The following ZNF618 variants were observed in gnomAD, a reference collection of about 807,000 sequenced individuals.
The protein encoded by ZNF618 is neural precursor cell expressed, developmentally down-regulated 10.
ZNF618 carries 34 observed loss-of-function variants against 103.0 expected under a neutral mutation model. The ratio of observed to expected loss-of-function variants is 0.33; its 90% CI spans 0.25 to 0.44. The LOEUF is 0.44. Ranked by LOEUF, ZNF618 falls within the 20% of genes least tolerant of loss-of-function variation. The pLI is 1.00. For missense variants in ZNF618, 1,059 were observed against 1,295.4 expected (o/e 0.82, Z 2.80); for synonymous variants, 551 against 542.2 (o/e 1.02, Z -0.23).
rs538926659 is a variant in ZNF618, at chr9:114,021,995, G to A, written c.844+5211G>A. 1.8e-4 allele frequency among the ~76,000 whole-genome samples: 28 copies of A among 152,220 alleles called. No individual in the cohort carries two copies. The South Asian group carries it at 5.6e-3, about 30-fold the overall frequency. On this transcript the variant is annotated intron_variant, in intron 10 of 14. Coordinates refer to ENST00000374126, the MANE Select transcript of ZNF618 (RefSeq NM_001318042.2). Reference sequence around the variant, plus strand: ...CCACAATTACTTTGTTCATTTATGGGTGGATATTTAGAGTATTTCTGGCTA... The same window carrying A: ...CCACAATTACTTTGTTCATTTATGGATGGATATTTAGAGTATTTCTGGCTA...
intron 1 of ZNF618, among the ~76,000 whole-genome samples, chr9:113,894,409 G>C (rs1829865463): frequency 6.6e-6 from 1 of 152,208 alleles, no homozygotes; most frequent in Non-Finnish European, 1.5e-5. Flanking sequence ...ATGTGCTGTA[G>C]AAAGTTCAGC....
At chr9:114,016,585 A>T in intron 9 of ZNF618, 110 bp from the exon 10 acceptor site, 1 of 749,940 alleles carries the variant, frequency 1.3e-6, no homozygotes, top group Non-Finnish European at 2.3e-6. Flanking sequence ...AATTGATTCT[A>T]GTTGATGGTC....
chr9:113,972,762 T>C (rs186626367), intron 2 of ZNF618, among the ~76,000 whole-genome samples: 5 of 152,254 alleles, frequency 3.3e-5, no homozygotes, highest in Admixed American at 2.6e-4. Flanking sequence ...AATTATATGT[T>C]AAACGTCAAG....
At chr9:113,940,059 A>G (rs1286394161) in intron 1 of ZNF618, among the ~76,000 whole-genome samples, 1 of 150,912 alleles carries the variant, frequency 6.6e-6, no homozygotes, top group East Asian at 1.9e-4. Flanking sequence ...GAAATATCCC[A>G]TGGGTTTTGC....
At chr9:113,949,409 C>T (rs1421156600) in intron 1 of ZNF618, among the ~76,000 whole-genome samples, 2 of 152,136 alleles carry the variant, frequency 1.3e-5, no homozygotes, top group African/African-American at 2.4e-5. Context: ...TCTGTGTGGT[C>T]CGAGACAGGA....
At chr9:113,962,166 CAT>C (rs780843656) in intron 1 of ZNF618, among the ~76,000 whole-genome samples, 2 of 152,204 alleles carry the variant, frequency 1.3e-5, no homozygotes, top group Non-Finnish European at 2.9e-5. Context: ...TTAGTATTCT[CAT>C]GTGTGGGAGA....
chr9:113,905,734 T>G (rs992603353), intron 1 of ZNF618, among the ~76,000 whole-genome samples: 1 of 152,180 alleles, frequency 6.6e-6, no homozygotes, highest in Admixed American at 6.5e-5. Flanking sequence ...GGTGAAGCCG[T>G]TGAAGAATTG....
At chr9:114,010,773 A>G (rs1220669385) in intron 9 of ZNF618, among the ~76,000 whole-genome samples, 4 of 152,212 alleles carry the variant, frequency 2.6e-5, no homozygotes, top group Non-Finnish European at 4.4e-5. Context: ...TAGGACAGGA[A>G]CAGAGGATCT....
At chr9:113,901,516 G>C (rs949453805) in intron 1 of ZNF618, among the ~76,000 whole-genome samples, 1 of 152,214 alleles carries the variant, frequency 6.6e-6, no homozygotes, top group Non-Finnish European at 1.5e-5. Context: ...ACTTGAACGA[G>C]ACATTAGCTG....
chr9:113,900,755 A>T (rs368838938), intron 1 of ZNF618, among the ~76,000 whole-genome samples: 141 of 74,382 alleles, frequency 1.9e-3, no homozygotes, highest in African/African-American at 3.8e-3. Flanking sequence ...CCTCTCGCGC[A>T]AACCCGACCT....
intron 10 of ZNF618, among the ~76,000 whole-genome samples, chr9:114,023,393 A>T (rs539110001): frequency 1.6e-4 from 25 of 152,132 alleles, no homozygotes; most frequent in Non-Finnish European, 3.2e-4. Flanking sequence ...TTACAATGGC[A>T]TACTTCCCAT....
At chr9:113,974,033 G>A (rs1488658490) in intron 2 of ZNF618, among the ~76,000 whole-genome samples, 2 of 152,212 alleles carry the variant, frequency 1.3e-5, no homozygotes, top group Admixed American at 1.3e-4. Flanking sequence ...GCACTGACCT[G>A]GGTGCTGGAG....
intron 1 of ZNF618, among the ~76,000 whole-genome samples, chr9:113,900,584 A>T (rs1385596040): frequency 6.9e-6 from 1 of 145,256 alleles, no homozygotes; most frequent in Non-Finnish European, 1.5e-5. Flanking sequence ...GTCTCCTAGC[A>T]CCGTCCTCTC....
chr9:113,916,603 G>A lies in ZNF618; in HGVS notation c.33+40190G>A, dbSNP rs1021620679. On this transcript the variant is annotated intron_variant, in intron 1 of 14. Coordinates refer to ENST00000374126, the MANE Select transcript of ZNF618 (RefSeq NM_001318042.2). Reference sequence around the variant, plus strand: ...TCAATGAGTATCATGGCACTTAACCGTGGAGAGTTAAGAATCATGCAGGTG... The same window carrying A: ...TCAATGAGTATCATGGCACTTAACCATGGAGAGTTAAGAATCATGCAGGTG... Among the ~76,000 whole-genome samples the A allele has an allele frequency of 4.6e-5, 7 of 152,184 alleles. No individual in the cohort carries two copies. The East Asian group carries it at 7.7e-4, about 17-fold the overall frequency.
In ZNF618 at chr9:113,909,999, G is replaced by A. The variant is rs145981211; in HGVS notation, c.33+33586G>A. ...GGGATTTCACCATGTTGGTCAGGCTGGTCTCGAACTCCTGACCTCAGGATC... is the reference window on the plus strand; with the variant it reads ...GGGATTTCACCATGTTGGTCAGGCTAGTCTCGAACTCCTGACCTCAGGATC... On this transcript the variant is annotated intron_variant, in intron 1 of 14. Coordinates refer to ENST00000374126, the MANE Select transcript of ZNF618 (RefSeq NM_001318042.2). 3.4e-3 allele frequency among the ~76,000 whole-genome samples: 516 copies of A among 152,228 alleles called. 3 individuals carry two copies. The highest frequency in any genetic ancestry group is 0.012 in the African/African-American group (492 of 41,532).
chr9:114,041,546 T>G (rs1336258915), intron 13 of ZNF618, among the ~76,000 whole-genome samples: 1 of 152,250 alleles, frequency 6.6e-6, no homozygotes, highest in Non-Finnish European at 1.5e-5. Flanking sequence ...TTTCTACATA[T>G]GGCTAGCCAG....
chr9:113,955,275 A>G (rs1375793413), intron 1 of ZNF618, among the ~76,000 whole-genome samples: 4 of 150,762 alleles, frequency 2.7e-5, no homozygotes, highest in African/African-American at 9.9e-5. Context: ...TGACTGCCCT[A>G]ATGAATTCAA....
intron 6 of ZNF618, 64 bp from the exon 7 acceptor site, chr9:114,007,286 A>G: frequency 6.8e-7 from 1 of 1,472,552 alleles, no homozygotes; most frequent in Non-Finnish European, 9.4e-7. Flanking sequence ...TGATCTGGCC[A>G]GAAAAACCCC....
chr9:114,050,214 G>GA lies in ZNF618; in HGVS notation c.*54dup, dbSNP rs761868246. 4.0e-6 allele frequency: 6 copies of GA among 1,500,600 alleles called. No individual in the cohort carries two copies. The highest frequency in any genetic ancestry group is 2.7e-5 in the South Asian group (2 of 74,036). 93.0% of individuals were successfully genotyped at this position (1,500,600 alleles called of 1,614,324 possible). The stretch of plus-strand genomic sequence containing the variant: ...AAAAGAAAAAGAGAAGATAACATTA[G>GA]AAAAAAACCACACAACACTGTCACA... On this transcript the variant is annotated 3_prime_UTR_variant, in exon 15 of 15. Coordinates refer to ENST00000374126, the MANE Select transcript of ZNF618 (RefSeq NM_001318042.2).
Sources: allele counts gnomAD v4.1 joint callset (sites outside exome capture counted in the v4.1 genomes callset), GRCh38; gene constraint gnomAD v4.1.1; transcripts MANE v1.5; gene names NCBI Gene and HGNC (gene_info 2026-07-23, HGNC 2026-07-21).